The following RIF1 variants were observed in gnomAD, a reference collection of about 807,000 sequenced individuals.
RIF1 encodes replication timing regulatory factor 1.
RIF1 carries 45 observed loss-of-function variants against 247.1 expected under a neutral mutation model. The ratio of observed to expected loss-of-function variants is 0.18; its 90% CI spans 0.14 to 0.23. The LOEUF (loss-of-function observed/expected upper bound fraction) is 0.23. Among genes scored for constraint, RIF1 ranks in the 10% least tolerant of loss-of-function variants. RIF1 has a pLI of 1.00. For missense variants in RIF1, 2,967 were observed against 2,862.5 expected (o/e 1.04, Z -0.83); for synonymous variants, 1,087 against 978.8 (o/e 1.11, Z -2.06).
chr2:151,461,387 A>T (rs1574115905), intron 27 of RIF1, 98 bp downstream of exon 27: 18 of 1,159,518 alleles, frequency 1.6e-5, no homozygotes, highest in South Asian at 4.2e-5. Context: ...AAATATGTGT[A>T]CTAATTTTTT....
At chr2:151,433,405 C>T (rs1690533082) in intron 10 of RIF1, among the ~76,000 whole-genome samples, 177 bp downstream of exon 10, 1 of 152,128 alleles carries the variant, frequency 6.6e-6, no homozygotes, top group Non-Finnish European at 1.5e-5. Context: ...GGATATTGTT[C>T]AGTTGCTTGA....
In RIF1 at chr2:151,450,616, C is replaced by G. The variant is rs186070444; in HGVS notation, c.2245-990C>G. Among the ~76,000 whole-genome samples the G allele has an allele frequency of 9.2e-4, 139 of 151,794 alleles. 1 individual carries two copies. The highest frequency in any genetic ancestry group is 3.2e-3 in the African/African-American group (132 of 41,384). ...TTTCTTTTTTTTTTTGACGGAGCCT[C>G]GCTCTGTCGCAGGCTGGCGTGCAAT... On this transcript the variant is annotated intron_variant, in intron 20 of 35. Transcript: ENST00000444746.
rs772226125 is a variant in RIF1, at chr2:151,436,988, C to T, written c.1357C>T (p.Leu453Phe). The stretch of plus-strand genomic sequence containing the variant: ...CTTGAGTTTTGCTAAGCAAAATAAA[C>T]TTGTGCTGAGCTTAGGTATTTAAAG... ...EALSFAKQNK[L>F]VLSLEPLEHP... Residue 453 changes from leucine to phenylalanine, a missense_variant, in exon 12 of 36, where the codon CTT (leucine) becomes TTT (phenylalanine). Coordinates refer to ENST00000444746, the MANE Select transcript of RIF1 (RefSeq NM_018151.5). 29 of 1,611,976 alleles carry T rather than the reference C, an allele frequency of 1.8e-5. No individual in the cohort carries two copies. Among genetic ancestry groups the T allele is most frequent in the Non-Finnish European group, 2.4e-5 (28 of 1,179,362 alleles).
At chr2:151,529,401 G>A in the RIF1 span, 2 of 862,830 alleles carry the variant, frequency 2.3e-6, no homozygotes, top group East Asian at 5.1e-5. Flanking sequence ...ATCCATGCAT[G>A]ACTATAGTAC....
chr2:151,468,213 CATAAA>C, intron 31 of RIF1, 67 bp downstream of exon 31: 1 of 1,393,476 alleles, frequency 7.2e-7, no homozygotes, highest in African/African-American at 1.4e-5. Flanking sequence ...CATGATGTGT[CATAAA>C]ATGAACTATA....
downstream of RIF1, among the ~76,000 whole-genome samples, chr2:151,512,468 G>A (rs998562728): frequency 4.6e-5 from 7 of 151,948 alleles, no homozygotes; most frequent in African/African-American, 4.8e-5. Flanking sequence ...TGGGACTGGC[G>A]TGCACCACCA....
At chr2:151,507,130 C>G (rs1355327196) in intron 13 of RIF1, 1 of 653,638 alleles carries the variant, frequency 1.5e-6, no homozygotes, top group Non-Finnish European at 2.6e-6. Context: ...AGTCTATGCA[C>G]AATAATTATG....
chr2:151,515,026 A>G, the RIF1 span: 3 of 717,404 alleles, frequency 4.2e-6, no homozygotes, highest in Non-Finnish European at 4.7e-6. Context: ...TTTTCTATGT[A>G]TGGGCTCTTA....
intron 31 of RIF1, 21 bp downstream of exon 31, chr2:151,468,167 TATAC>T (rs779783106): frequency 1.5e-5 from 24 of 1,583,108 alleles, no homozygotes; most frequent in Non-Finnish European, 2.1e-5. Flanking sequence ...GGCTTTAAAA[TATAC>T]ATATATGTAT....
At chr2:151,533,433 A>C in the RIF1 span, 3 of 1,533,704 alleles carry the variant, frequency 2.0e-6, no homozygotes, top group Non-Finnish European at 8.8e-7. Flanking sequence ...ACATCCCATC[A>C]GACATTACCT....
chr2:151,410,140 C>T (rs911843398), intron 1 of RIF1, 107 bp downstream of exon 1: 1 of 672,668 alleles, frequency 1.5e-6, no homozygotes, highest in Non-Finnish European at 2.7e-6. Flanking sequence ...TTCTCCCGCC[C>T]TCCGCCGATC....
the RIF1 span, among the ~76,000 whole-genome samples, chr2:151,526,591 G>GT: frequency 2.0e-5 from 3 of 152,198 alleles, no homozygotes; most frequent in Non-Finnish European, 2.9e-5. Context: ...AAACTGTAGT[G>GT]AAGGGAAAGT....
At chr2:151,438,519 A>G (rs1438682833) in intron 13 of RIF1, among the ~76,000 whole-genome samples, 165 bp from the exon 14 acceptor site, 3 of 152,264 alleles carry the variant, frequency 2.0e-5, no homozygotes, top group African/African-American at 4.8e-5. Context: ...AAACGAAGTG[A>G]TAGTGTTTTA....
At chr2:151,414,766 C>A in intron 3 of RIF1, 57 bp from the exon 4 acceptor site, 1 of 1,250,606 alleles carries the variant, frequency 8.0e-7, no homozygotes, top group Non-Finnish European at 1.2e-6. Context: ...CTTCTGCTTT[C>A]TAAAAATTGA....
intron 23 of RIF1, 41 bp downstream of exon 23, chr2:151,456,661 GAGAAA>G: frequency 3.5e-6 from 4 of 1,147,422 alleles, no homozygotes; most frequent in Non-Finnish European, 5.1e-6. Context: ...CTTTCATGAT[GAGAAA>G]ATGATAGAGT....
chr2:151,519,576 A>G, the RIF1 span: 1 of 989,076 alleles, frequency 1.0e-6, no homozygotes, highest in Non-Finnish European at 1.6e-6. Context: ...GAGTGTTATA[A>G]ATGCTACTGA....
chr2:151,422,912 A>G (rs1688420291), intron 7 of RIF1, 38 bp from the exon 8 acceptor site: 2 of 1,078,264 alleles, frequency 1.9e-6, no homozygotes, highest in East Asian at 2.4e-5. Context: ...TTTTTTTTCT[A>G]AGAGTCTGTT....
intron 27 of RIF1, among the ~76,000 whole-genome samples, 172 bp downstream of exon 27, chr2:151,461,461 G>A (rs553004196): frequency 2.7e-5 from 4 of 146,928 alleles, no homozygotes; most frequent in East Asian, 4.1e-4. Flanking sequence ...GTGCCATCTC[G>A]GCTCACTGCA....
rs1184558013 is a variant in RIF1, at chr2:151,420,200, C to G, written c.514C>G (p.Gln172Glu). 6.2e-7 allele frequency: 1 copy of G among 1,612,878 alleles called. No individual in the cohort carries two copies. The highest frequency in any genetic ancestry group is 8.5e-7 in the Non-Finnish European group (1 of 1,179,132). The part of the protein sequence containing the change: ...ALNVIVRLIE[Q>E]APIQMGEEAV... ...ATTTCTCTATTATAGGCTAATTGAA[C>G]AAGCCCCAATTCAAATGGGAGAAGA... The change falls in exon 7 of 36, where the codon CAA (glutamine) becomes GAA (glutamate). Residue 172 changes from glutamine (Q) to glutamate (E), a missense_variant. Around this residue, in one of 7 missense-constraint regions of RIF1, gnomAD observed 269 missense variants for 288.6 expected, o/e 0.93. Transcript: ENST00000444746.
Sources: gnomAD v4.1 joint callset for allele counts (sites outside exome capture counted in the v4.1 genomes callset) on GRCh38, gnomAD v4.1.1 for gene constraint, gnomAD v4.1.1 regional missense constraint, MANE v1.5 for transcripts, NCBI Gene and HGNC (gene_info 2026-07-23, HGNC 2026-07-21) for gene names.